TRIM9: variants seen among roughly 807,000 people sequenced by gnomAD.
TRIM9 encodes the protein E3 ubiquitin-protein ligase TRIM9.
Under a neutral mutation model 78.3 loss-of-function variants are expected in TRIM9, and 26 were observed. The ratio of observed to expected loss-of-function variants is 0.33; its 90% CI spans 0.24 to 0.46. The LOEUF is 0.46. TRIM9 is among the 20% of genes least tolerant of loss of function. The pLI, the probability that TRIM9 is intolerant of heterozygous loss-of-function variation, is 1.00. For synonymous variants in TRIM9, 398 were observed against 416.5 expected, an observed-to-expected ratio of 0.96 and a Z score of 0.54; for missense variants, 787 against 1,036.4, an observed-to-expected ratio of 0.76 and a Z score of 3.30.
intron 1 of TRIM9, among the ~76,000 whole-genome samples, chr14:51,080,701 C>A (rs999140269): frequency 6.6e-6 from 1 of 152,070 alleles, no homozygotes; most frequent in Non-Finnish European, 1.5e-5. Flanking sequence ...CTTTTTGACA[C>A]CTGGAAGTGA....
chr14:51,053,597 T>TAA (rs1189854250), intron 1 of TRIM9, among the ~76,000 whole-genome samples: 4,222 of 91,604 alleles, frequency 0.046, 41 homozygotes, highest in South Asian at 0.06. Context: ...TTTTTTTAAT[T>TAA]TTTTTTTTTT....
chr14:51,056,352 G>A (rs2060896686), intron 1 of TRIM9, among the ~76,000 whole-genome samples: 1 of 152,174 alleles, frequency 6.6e-6, no homozygotes, highest in African/African-American at 2.4e-5. Flanking sequence ...CCACTAGAAA[G>A]TAAGTCTATA....
rs75308739 is a variant in TRIM9, at chr14:51,019,674, A to G, written c.1041+3161T>C. The stretch of plus-strand genomic sequence containing the variant: ...CCATATTTCCAGTCATTCTCTCTCA[A>G]TCACAACAATAACAGTTAATATACA... On this transcript the variant is annotated intron_variant, in intron 3 of 12. Transcript: ENST00000684578. Among the ~76,000 whole-genome samples the G allele has an allele frequency of 7.6e-3, 1,155 of 152,288 alleles. 16 individuals carry two copies. Among genetic ancestry groups the G allele is most frequent in the African/African-American group, 0.026 (1,094 of 41,556 alleles).
At chr14:50,987,163 T>C (rs1184648335) in intron 7 of TRIM9, among the ~76,000 whole-genome samples, 1 of 152,218 alleles carries the variant, frequency 6.6e-6, no homozygotes, top group African/African-American at 2.4e-5. Context: ...CAAAGGAACT[T>C]TCTTCTCATT....
At chr14:51,086,589 G>T (rs2063773390) in intron 1 of TRIM9, among the ~76,000 whole-genome samples, 1 of 152,184 alleles carries the variant, frequency 6.6e-6, no homozygotes. Context: ...AGATAGATAA[G>T]AAACAGTCTA....
At chr14:51,036,755 C>CT (rs1566602502) in intron 1 of TRIM9, among the ~76,000 whole-genome samples, 2 of 151,888 alleles carry the variant, frequency 1.3e-5, no homozygotes, top group Non-Finnish European at 2.9e-5. Context: ...GACTGTATAT[C>CT]CTCTCTCTCA....
intron 1 of TRIM9, among the ~76,000 whole-genome samples, chr14:51,048,759 C>A (rs535396389): frequency 6.6e-6 from 1 of 151,668 alleles, no homozygotes; most frequent in Non-Finnish European, 1.5e-5. Context: ...CCGAGGCAGG[C>A]GGATCACGAG....
chr14:51,038,323 G>A (rs1320957737), intron 1 of TRIM9, among the ~76,000 whole-genome samples: 2 of 152,118 alleles, frequency 1.3e-5, no homozygotes, highest in East Asian at 3.9e-4. Context: ...TTGGACTTCT[G>A]ACCTACAGGA....
intron 7 of TRIM9, among the ~76,000 whole-genome samples, chr14:50,987,562 C>T (rs1257344558): frequency 6.6e-6 from 1 of 152,104 alleles, no homozygotes; most frequent in Non-Finnish European, 1.5e-5. Flanking sequence ...TTTCTCCTAC[C>T]TAAACTTCAT....
intron 1 of TRIM9, among the ~76,000 whole-genome samples, chr14:51,072,652 T>C (rs967334603): frequency 1.9e-5 from 2 of 105,600 alleles, no homozygotes; most frequent in East Asian, 2.0e-4. Flanking sequence ...TTTCAATTTA[T>C]TACTTTTTTT....
At chr14:51,018,465 T>G (rs929492481) in intron 3 of TRIM9, among the ~76,000 whole-genome samples, 1 of 152,080 alleles carries the variant, frequency 6.6e-6, no homozygotes, top group African/African-American at 2.4e-5. Flanking sequence ...CATATGCCAA[T>G]AATATCCGTA....
chr14:51,008,095 C>T (rs989748026), intron 5 of TRIM9, among the ~76,000 whole-genome samples: 4 of 151,998 alleles, frequency 2.6e-5, no homozygotes, highest in African/African-American at 7.2e-5. Flanking sequence ...CAGCAAATGA[C>T]AAAACTATAG....
chr14:51,046,415 A>G (rs2059956268), intron 1 of TRIM9, among the ~76,000 whole-genome samples: 1 of 152,230 alleles, frequency 6.6e-6, no homozygotes, highest in Non-Finnish European at 1.5e-5. Context: ...CAATATTGTT[A>G]CACTGTACTA....
At chr14:50,992,524 G>A (rs1409435849) in intron 7 of TRIM9, among the ~76,000 whole-genome samples, 2 of 152,052 alleles carry the variant, frequency 1.3e-5, no homozygotes, top group East Asian at 1.9e-4. Context: ...AGTGAGCCAC[G>A]ATCGTGACAC....
At chr14:51,045,544 C>T (rs2059887106) in intron 1 of TRIM9, among the ~76,000 whole-genome samples, 1 of 152,104 alleles carries the variant, frequency 6.6e-6, no homozygotes, top group Non-Finnish European at 1.5e-5. Context: ...CTGGAAGGTC[C>T]CTTCCAACTG....
At chr14:51,046,334 A>G (rs1399161694) in intron 1 of TRIM9, among the ~76,000 whole-genome samples, 3 of 152,250 alleles carry the variant, frequency 2.0e-5, no homozygotes, top group African/African-American at 7.2e-5. Context: ...CAACACACAC[A>G]TGCAAATGGG....
intron 7 of TRIM9, among the ~76,000 whole-genome samples, chr14:50,989,838 C>G (rs921729584): frequency 6.6e-6 from 1 of 152,098 alleles, no homozygotes; most frequent in Non-Finnish European, 1.5e-5. Context: ...GGACTTCTTT[C>G]CCTTCCTCAC....
intron 1 of TRIM9, among the ~76,000 whole-genome samples, chr14:51,057,989 C>T (rs184109357): frequency 1.3e-4 from 20 of 152,306 alleles, no homozygotes; most frequent in Non-Finnish European, 1.3e-4. Context: ...TAAATTCTAA[C>T]AAACCCGATT....
intron 1 of TRIM9, among the ~76,000 whole-genome samples, chr14:51,049,081 A>C (rs2060182140): frequency 6.6e-6 from 1 of 151,886 alleles, no homozygotes; most frequent in Non-Finnish European, 1.5e-5. Flanking sequence ...GTTCTTTTTC[A>C]GATGGAGTCT....
Sources: allele counts gnomAD v4.1 joint callset (sites outside exome capture counted in the v4.1 genomes callset), GRCh38; gene constraint gnomAD v4.1.1; transcripts MANE v1.5; gene names NCBI Gene and HGNC (gene_info 2026-07-23, HGNC 2026-07-21).